The following SLC41A1 variants were observed in gnomAD, a reference collection of about 807,000 sequenced individuals.
SLC41A1 encodes the protein solute carrier family 41 (magnesium transporter), member 1.
Under a neutral mutation model 47.3 loss-of-function variants are expected in SLC41A1, and 20 were observed. That is an observed-to-expected ratio of 0.42 (90% CI 0.30 to 0.61). The LOEUF (loss-of-function observed/expected upper bound fraction) is 0.61. SLC41A1 is among the 20% of genes least tolerant of loss of function. SLC41A1 has a pLI of 0.17. For synonymous variants in SLC41A1, 282 were observed against 272.7 expected, an observed-to-expected ratio of 1.03 and a Z score of -0.34; for missense variants, 504 against 674.1, an observed-to-expected ratio of 0.75 and a Z score of 2.79.
chr1:205,802,498 C>T (rs1655905114), intron 2 of SLC41A1, among the ~76,000 whole-genome samples: 1 of 152,034 alleles, frequency 6.6e-6, no homozygotes, highest in Non-Finnish European at 1.5e-5. Context: ...GGGCAGATCA[C>T]CTGAGGCCAG....
Position 205,797,940 on chromosome 1 carries a change from C to G in SLC41A1, c.956G>C (p.Gly319Ala). Reference sequence around the variant, plus strand: ...CATGGCAATGATAACAGGCTCCCAGCCCGAGTACAACACCTCCCTTGTGGC... The same window carrying G: ...CATGGCAATGATAACAGGCTCCCAGGCCGAGTACAACACCTCCCTTGTGGC... Reference protein sequence around the residue: ...SPATREVLYSGWEPVIIAMAI... With the variant: ...SPATREVLYSAWEPVIIAMAI... The change falls in exon 7 of 11, where the codon GGC (glycine) becomes GCC (alanine). Residue 319 changes from glycine to alanine, a missense_variant. Physicochemically the swap from Gly to Ala is moderately conservative, Grantham distance 60. This residue lies in a region of SLC41A1 where 421 missense variants were observed against 601.6 expected (regional missense o/e 0.70). Coordinates refer to ENST00000367137, the MANE Select transcript of SLC41A1 (RefSeq NM_173854.6). 2 of 1,613,808 alleles carry G rather than the reference C, an allele frequency of 1.2e-6. No homozygotes were observed. The highest frequency in any genetic ancestry group is 1.1e-5 in the South Asian group (1 of 91,042).
At chr1:205,801,340 G>A (rs1250821902) in intron 2 of SLC41A1, 1 of 407,720 alleles carries the variant, frequency 2.5e-6, no homozygotes, top group Non-Finnish European at 4.7e-6. Context: ...TTTCCTGGAG[G>A]TGGGTGGGGA....
At position 205,801,022 on chromosome 1, in the gene SLC41A1, G is replaced by T. The variant is rs1164911603; in HGVS notation, c.411C>A (p.Ile137=). The change falls in exon 3 of 11, where the codon ATC becomes ATA. Residue 137 remains isoleucine, a synonymous_variant. Transcript: ENST00000367137. ...EVFQKVTEVF[I]LVPALLGLKG... is the part of the protein sequence containing the mutation. ...TGAGCCCCAGCAGCGCAGGCACTAGGATGAAGACCTCTGTCACCTTCTGGA... is the reference window on the plus strand; with the variant it reads ...TGAGCCCCAGCAGCGCAGGCACTAGTATGAAGACCTCTGTCACCTTCTGGA... 2 of 1,614,210 alleles carry T rather than the reference G, an allele frequency of 1.2e-6. No individual in the cohort carries two copies. The highest frequency in any genetic ancestry group is 1.1e-5 in the South Asian group (1 of 91,086).
chr1:205,806,688 G>T (rs1044013925), intron 2 of SLC41A1, among the ~76,000 whole-genome samples: 2 of 152,256 alleles, frequency 1.3e-5, no homozygotes, highest in Non-Finnish European at 2.9e-5. Context: ...GCCATGGTTG[G>T]GAAGTTAGAG....
intron 7 of SLC41A1, 31 bp downstream of exon 7, chr1:205,797,873 G>T: frequency 6.2e-7 from 1 of 1,613,744 alleles, no homozygotes; most frequent in Non-Finnish European, 8.5e-7. Flanking sequence ...TTGGAGTGGG[G>T]TAGGAGTGGA....
chr1:205,799,238 C>A, intron 4 of SLC41A1, 137 bp from the exon 5 acceptor site: 1 of 1,173,724 alleles, frequency 8.5e-7, no homozygotes, highest in Non-Finnish European at 1.2e-6. Context: ...TCCAGTCCTC[C>A]CAGGCTGGAA....
At chr1:205,793,234 T>C (rs961957220) in intron 10 of SLC41A1, among the ~76,000 whole-genome samples, 3 of 151,986 alleles carry the variant, frequency 2.0e-5, no homozygotes, top group African/African-American at 7.3e-5. Flanking sequence ...TGGGAGGAGG[T>C]GGCAAAGGGA....
chr1:205,813,195 G>GA lies in SLC41A1; in HGVS notation c.-1035dup, dbSNP rs1338403731. The GA allele has an allele frequency of 1.0e-6, 1 of 985,312 alleles. No individual in the cohort carries two copies. The highest frequency in any genetic ancestry group is 1.2e-6 in the Non-Finnish European group (1 of 830,044). The allele number at this position is 985,312 out of a possible 1,614,324, so 61.0% of individuals were successfully genotyped here. A position where few individuals can be genotyped will look rare whatever the true frequency, so the allele number is the denominator to read the frequency against. ...CCGGTGGCAAACGTGATCTGGGGCA[G>GA]ACTGGGTGGCACCCCCCCCGCTCCA... On this transcript the variant is annotated 5_prime_UTR_variant, in exon 1 of 11. Coordinates refer to ENST00000367137, the MANE Select transcript of SLC41A1 (RefSeq NM_173854.6).
chr1:205,812,502 T>C (rs1345336287), intron 1 of SLC41A1, among the ~76,000 whole-genome samples: 1 of 152,164 alleles, frequency 6.6e-6, no homozygotes, highest in Non-Finnish European at 1.5e-5. Context: ...GGCAGGCCAC[T>C]GAACCTGAGA....
At position 205,790,285 on chromosome 1, in the gene SLC41A1, CTG is replaced by C. The variant is rs1413967989; in HGVS notation, c.*1246_*1247del. ...CCTGGAGAATGAGGTGAGGTTAGAG[CTG>C]TGTTTCCCTTACCACTGGCTTATCA... On this transcript the variant is annotated 3_prime_UTR_variant, in exon 11 of 11. Transcript: ENST00000367137. 6.6e-6 allele frequency: 1 copy of C among 152,230 alleles called. No individual in the cohort carries two copies. Among genetic ancestry groups the C allele is most frequent in the Non-Finnish European group, 1.5e-5 (1 of 68,058 alleles). The allele number at this position is 152,230 out of a possible 1,614,324, so 9.4% of individuals were successfully genotyped here. A position where few individuals can be genotyped will look rare whatever the true frequency, so the allele number is the denominator to read the frequency against.
intron 8 of SLC41A1, chr1:205,796,684 C>A: frequency 1.7e-6 from 1 of 584,848 alleles, no homozygotes; most frequent in Non-Finnish European, 3.1e-6. Context: ...CCCCTTGACC[C>A]TTTAGGAGTA....
Position 205,791,542 on chromosome 1 carries a change from G to T in SLC41A1, c.1533C>A (p.Val511=), listed in dbSNP as rs755610090. The change falls in exon 11 of 11, where the codon GTC becomes GTA. Residue 511 remains valine (V), a synonymous_variant. Transcript: ENST00000367137. This position sits in a 1 kb window ranked among gnomAD's most constrained non-coding sequence, Gnocchi z 4.0. ...LWLIGDRDTD[V]GD ...ATGTTGAGTGACCAAGCTAGTCCCC[G>T]ACATCCGTGTCTCGGTCCCCTATGA... The T allele has an allele frequency of 1.2e-5, 19 of 1,613,954 alleles. No individual in the cohort carries two copies. The highest frequency in any genetic ancestry group is 3.4e-6 in the Non-Finnish European group (4 of 1,180,008).
At chr1:205,797,523 C>CT (rs1213025952) in intron 7 of SLC41A1, among the ~76,000 whole-genome samples, 2 of 152,198 alleles carry the variant, frequency 1.3e-5, no homozygotes, top group Non-Finnish European at 2.9e-5. Context: ...CAGTGGAACT[C>CT]TATTCTGGGA....
intron 2 of SLC41A1, among the ~76,000 whole-genome samples, chr1:205,806,320 T>C (rs1454064951): frequency 6.6e-6 from 1 of 152,232 alleles, no homozygotes; most frequent in Admixed American, 6.5e-5. Flanking sequence ...GAATACTTCC[T>C]TCCCACTCTA....
intron 3 of SLC41A1, 125 bp from the exon 4 acceptor site, chr1:205,799,955 C>A: frequency 1.2e-6 from 1 of 808,984 alleles, no homozygotes; most frequent in Non-Finnish European, 2.1e-6. Flanking sequence ...CAGGACCTGA[C>A]AGTCCCGGAA....
intron 7 of SLC41A1, 130 bp downstream of exon 7, chr1:205,797,774 G>GAC (rs1159075977): frequency 8.4e-7 from 1 of 1,195,798 alleles, no homozygotes; most frequent in African/African-American, 1.5e-5. Flanking sequence ...TCAACAGAAG[G>GAC]ACATGTGACT....
chr1:205,802,042 A>T (rs1299267470), intron 2 of SLC41A1, among the ~76,000 whole-genome samples: 1 of 152,166 alleles, frequency 6.6e-6, no homozygotes, highest in Non-Finnish European at 1.5e-5. Context: ...AGGACTTGCA[A>T]AAAGGTTTAG....
chr1:205,805,400 G>A (rs1655992766), intron 2 of SLC41A1, among the ~76,000 whole-genome samples: 1 of 152,178 alleles, frequency 6.6e-6, no homozygotes, highest in Non-Finnish European at 1.5e-5. Flanking sequence ...AAGGTTAGGA[G>A]TAGACAGGAT....
At chr1:205,804,682 A>T (rs1240267295) in intron 2 of SLC41A1, among the ~76,000 whole-genome samples, 1 of 152,058 alleles carries the variant, frequency 6.6e-6, no homozygotes, top group Non-Finnish European at 1.5e-5. Context: ...AGCTCCAGAG[A>T]GGGGAAAAAT....
Sources: allele counts gnomAD v4.1 joint callset (sites outside exome capture counted in the v4.1 genomes callset), GRCh38; gene constraint gnomAD v4.1.1; regional missense constraint gnomAD v4.1.1; non-coding constraint Gnocchi (gnomAD v3.1); transcripts MANE v1.5; gene names NCBI Gene and HGNC (gene_info 2026-07-23, HGNC 2026-07-21).